The following HMGXB4 variants were observed in gnomAD, a reference collection of about 807,000 sequenced individuals.
HMGXB4 encodes the protein HMG-box containing 4, also known as HMG domain-containing protein 4.
Under a neutral mutation model 63.9 loss-of-function variants are expected in HMGXB4, and 27 were observed. The observed-to-expected ratio is 0.42, with a 90% CI of 0.31 to 0.58. The LOEUF (loss-of-function observed/expected upper bound fraction) is 0.58. HMGXB4 is among the 20% of genes least tolerant of loss of function. The probability of loss-of-function intolerance (pLI) is 0.13; values close to 1 mark genes in which losing one functional copy is unlikely to be tolerated. For synonymous variants in HMGXB4, 264 were observed against 265.3 expected (o/e 0.99, Z 0.05); for missense variants, 624 against 700.7 (o/e 0.89, Z 1.24).
the HMGXB4 span, among the ~76,000 whole-genome samples, chr22:35,248,093 G>A: frequency 6.6e-6 from 1 of 152,078 alleles, no homozygotes; most frequent in African/African-American, 2.4e-5. Flanking sequence ...AATGGTATTT[G>A]TGTTACAATT....
At chr22:35,261,513 AAACTC>A (rs1922855512) in intron 1 of HMGXB4, among the ~76,000 whole-genome samples, 1 of 152,106 alleles carries the variant, frequency 6.6e-6, no homozygotes, top group East Asian at 1.9e-4. Flanking sequence ...ATGGACATAT[AAACTC>A]AAATGCCAAA....
chr22:35,273,990 C>G (rs928359327), intron 5 of HMGXB4, among the ~76,000 whole-genome samples: 3 of 152,212 alleles, frequency 2.0e-5, no homozygotes, highest in African/African-American at 7.2e-5. Flanking sequence ...AGTTCTGAGA[C>G]TTTGCTATTC....
intron 9 of HMGXB4, 95 bp from the exon 10 acceptor site, chr22:35,292,897 T>C (rs1925015864): frequency 6.3e-6 from 9 of 1,435,456 alleles, no homozygotes; most frequent in Non-Finnish European, 8.7e-6. Context: ...ATTATAAGAG[T>C]AGAACTGCCT....
At chr22:35,256,902 A>C (rs565542863), upstream of HMGXB4, among the ~76,000 whole-genome samples, 1 of 152,384 alleles carries the variant, frequency 6.6e-6, no homozygotes, top group Admixed American at 6.5e-5. Flanking sequence ...CCTGTATATG[A>C]CATCTCTTCC....
At chr22:35,241,725 G>A in the HMGXB4 span, among the ~76,000 whole-genome samples, 2 of 152,188 alleles carry the variant, frequency 1.3e-5, no homozygotes, top group African/African-American at 4.8e-5. Flanking sequence ...GTTCGGGAGA[G>A]GGGGGTCTCC....
At chr22:35,277,428 A>G (rs1204823847) in intron 5 of HMGXB4, among the ~76,000 whole-genome samples, 4 of 152,194 alleles carry the variant, frequency 2.6e-5, no homozygotes, top group Non-Finnish European at 4.4e-5. Flanking sequence ...AGCTCACTGC[A>G]ACCTCCGCCT....
In HMGXB4 at chr22:35,265,162, A is replaced by C; in HGVS notation, c.774A>C (p.Ala258=). The change falls in exon 5 of 11, where the codon GCA becomes GCC. Residue 258 remains alanine, a synonymous_variant. Transcript: ENST00000216106. The part of the protein sequence containing the change: ...ARKKHKSSSD[A]HSSPGPEGCG... ...AAAAGCACAAGTCATCCTCAGACGCACATTCATCTCCTGGCCCTGAAGGCT... is the reference window on the plus strand; with the variant it reads ...AAAAGCACAAGTCATCCTCAGACGCCCATTCATCTCCTGGCCCTGAAGGCT... 6.2e-7 allele frequency: 1 copy of C among 1,614,164 alleles called. No individual in the cohort carries two copies. Among genetic ancestry groups the C allele is most frequent in the Non-Finnish European group, 8.5e-7 (1 of 1,180,022 alleles).
chr22:35,263,916 T>C, intron 4 of HMGXB4, 42 bp downstream of exon 4: 1 of 1,601,518 alleles, frequency 6.2e-7, no homozygotes, highest in Non-Finnish European at 8.6e-7. Flanking sequence ...AACACATCGC[T>C]GGTTCTTGGA....
At chr22:35,251,629 G>A in the HMGXB4 span, among the ~76,000 whole-genome samples, 5 of 152,184 alleles carry the variant, frequency 3.3e-5, no homozygotes, top group Non-Finnish European at 7.4e-5. Context: ...TACCAGGTGT[G>A]TGGGAAAATA....
At chr22:35,261,435 C>A (rs1389602142) in intron 1 of HMGXB4, among the ~76,000 whole-genome samples, 68 of 125,228 alleles carry the variant, frequency 5.4e-4, no homozygotes, top group Admixed American at 8.1e-4. Context: ...GACTCTATCT[C>A]AAAAAAAAAA....
intron 5 of HMGXB4, among the ~76,000 whole-genome samples, chr22:35,282,672 G>A (rs1450148883): frequency 1.3e-5 from 2 of 152,070 alleles, no homozygotes; most frequent in East Asian, 3.9e-4. Context: ...TCTTTCTTGG[G>A]CCCATAATGC....
the HMGXB4 span, among the ~76,000 whole-genome samples, chr22:35,245,854 G>T: frequency 2.0e-5 from 3 of 152,238 alleles, no homozygotes; most frequent in Admixed American, 2.0e-4. Context: ...TCTCCTGGGT[G>T]GGAGAGGCAG....
Position 35,265,142 on chromosome 22 carries a change from C to T in HMGXB4, c.754C>T (p.His252Tyr). 1 of 1,614,090 alleles carries T rather than the reference C, an allele frequency of 6.2e-7. No homozygotes were observed. Among genetic ancestry groups the T allele is most frequent in the East Asian group, 2.2e-5 (1 of 44,870 alleles). Residue 252 changes from histidine (H) to tyrosine (Y), a missense_variant, in exon 5 of 11, where the codon CAC becomes TAC. By Grantham distance (83) the His-to-Tyr change is moderately conservative. Around this residue, in one of 2 missense-constraint regions of HMGXB4, gnomAD observed 472 missense variants for 470.6 expected, o/e 1.00. Transcript: ENST00000216106. ...CTTTCTGAAAACAGCCCGGAAAAAG[C>T]ACAAGTCATCCTCAGACGCACATTC... ...QSFLKTARKK[H>Y]KSSSDAHSSP...
rs1375432714 is a variant in HMGXB4, at chr22:35,294,673, T to G, written c.*1022T>G. On this transcript the variant is annotated 3_prime_UTR_variant, in exon 11 of 11. Transcript: ENST00000216106. The stretch of plus-strand genomic sequence containing the variant: ...TGTATTTTAATTATGTGTATTTAAC[T>G]CTTTAAAATCTCTTAGATTTTAATT... 6.6e-6 allele frequency: 1 copy of G among 152,600 alleles called. No homozygotes were observed. The highest frequency in any genetic ancestry group is 1.9e-4 in the East Asian group (1 of 5,202). 9.5% of individuals were successfully genotyped at this position (152,600 alleles called of 1,614,324 possible). A position where few individuals can be genotyped will look rare whatever the true frequency, so the allele number is the denominator to read the frequency against.
chr22:35,266,601 A>T (rs1181636555), intron 5 of HMGXB4, among the ~76,000 whole-genome samples: 1 of 152,216 alleles, frequency 6.6e-6, no homozygotes, highest in Non-Finnish European at 1.5e-5. Flanking sequence ...TGTCATTAAA[A>T]GTTTCTTTTT....
chr22:35,279,180 C>T (rs1001301606), intron 5 of HMGXB4, among the ~76,000 whole-genome samples: 4 of 74,928 alleles, frequency 5.3e-5, no homozygotes, highest in African/African-American at 2.1e-4. Context: ...GAGTTTCACT[C>T]TTGTTGTCTA....
intron 1 of HMGXB4, among the ~76,000 whole-genome samples, chr22:35,261,203 C>T (rs1490669232): frequency 7.9e-5 from 12 of 152,126 alleles, no homozygotes; most frequent in East Asian, 1.9e-4. Flanking sequence ...TTTGGGAGGC[C>T]GAGGTGGGTG....
intron 5 of HMGXB4, among the ~76,000 whole-genome samples, chr22:35,280,646 C>CTT (rs1419395096): frequency 6.6e-6 from 1 of 152,212 alleles, no homozygotes; most frequent in Non-Finnish European, 1.5e-5. Context: ...TAACTTCCTG[C>CTT]TTAAAATACT....
chr22:35,281,450 C>G (rs560224667), intron 5 of HMGXB4, among the ~76,000 whole-genome samples: 55 of 152,194 alleles, frequency 3.6e-4, no homozygotes, highest in African/African-American at 1.3e-3. Context: ...GAAGGAAACC[C>G]TTTTCTTCAG....
Sources: allele counts gnomAD v4.1 joint callset (sites outside exome capture counted in the v4.1 genomes callset), GRCh38; gene constraint gnomAD v4.1.1; regional missense constraint gnomAD v4.1.1; transcripts MANE v1.5; gene names NCBI Gene and HGNC (gene_info 2026-07-23, HGNC 2026-07-21).